The following NAV3 variants were observed in gnomAD, a reference collection of about 807,000 sequenced individuals.
NAV3 encodes the protein pore membrane and/or filament interacting like protein 1.
Under a neutral mutation model 244.7 loss-of-function variants are expected in NAV3, and 87 were observed. The ratio of observed to expected loss-of-function variants is 0.36; its 90% confidence interval spans 0.30 to 0.42. NAV3 has a LOEUF of 0.42. Ranked by LOEUF, NAV3 falls within the 20% of genes least tolerant of loss-of-function variation. The pLI, the probability that NAV3 is intolerant of heterozygous loss-of-function variation, is 1.00. For synonymous variants in NAV3, 1,126 were observed against 1,042.2 expected (o/e 1.08, Z -1.55); for missense variants, 2,663 against 2,893.3 (o/e 0.92, Z 1.83).
At chr12:77,895,218 G>C (rs1168101360) in intron 1 of NAV3, among the ~76,000 whole-genome samples, 1 of 151,984 alleles carries the variant, frequency 6.6e-6, no homozygotes, top group Non-Finnish European at 1.5e-5. Flanking sequence ...AATATGAATA[G>C]AGTAATCAAC....
At chr12:77,910,688 CAAAG>C (rs1479618110) in intron 1 of NAV3, among the ~76,000 whole-genome samples, 2 of 152,024 alleles carry the variant, frequency 1.3e-5, no homozygotes, top group Non-Finnish European at 2.9e-5. Flanking sequence ...AGATTGGTGA[CAAAG>C]AAAGCCCAGG....
chr12:78,095,064 T>TATAC (rs1272776469), intron 12 of NAV3, among the ~76,000 whole-genome samples: 13,945 of 137,102 alleles, frequency 0.1, 805 homozygotes, highest in Middle Eastern at 0.16. Flanking sequence ...TATATATATA[T>TATAC]ACACACACAC....
intron 2 of NAV3, among the ~76,000 whole-genome samples, chr12:77,759,356 G>A (rs1168628198): frequency 6.6e-6 from 1 of 152,154 alleles, no homozygotes; most frequent in Non-Finnish European, 1.5e-5. Flanking sequence ...GTATTACAAA[G>A]CTTGCCTAAA....
chr12:77,999,120 A>G (rs914475245), intron 7 of NAV3, among the ~76,000 whole-genome samples: 5 of 152,250 alleles, frequency 3.3e-5, no homozygotes, highest in African/African-American at 9.6e-5. Context: ...CGAAGTGGGC[A>G]TTTAAAGAGG....
chr12:77,761,972 G>A (rs1869489485), intron 2 of NAV3, among the ~76,000 whole-genome samples: 1 of 113,606 alleles, frequency 8.8e-6, no homozygotes, highest in Admixed American at 8.4e-5. Context: ...AGAGACACAT[G>A]CACACATATG....
intron 1 of NAV3, among the ~76,000 whole-genome samples, chr12:77,898,181 T>C (rs1884849312): frequency 6.6e-6 from 1 of 152,216 alleles, no homozygotes; most frequent in African/African-American, 2.4e-5. Context: ...TTTTTTATAT[T>C]ATATCATGAT....
At chr12:77,785,675 C>T (rs1870872620) in intron 2 of NAV3, among the ~76,000 whole-genome samples, 1 of 152,072 alleles carries the variant, frequency 6.6e-6, no homozygotes, top group Non-Finnish European at 1.5e-5. Flanking sequence ...AGTAGAAGCA[C>T]AAAGTCTCAT....
intron 1 of NAV3, among the ~76,000 whole-genome samples, chr12:77,845,138 T>C (rs963064206): frequency 6.6e-6 from 1 of 152,190 alleles, no homozygotes; most frequent in Non-Finnish European, 1.5e-5. Flanking sequence ...TGTGTGTATA[T>C]ATATATATGA....
intron 14 of NAV3, 110 bp downstream of exon 14, chr12:78,118,407 A>T: frequency 7.3e-7 from 1 of 1,367,500 alleles, no homozygotes; most frequent in Non-Finnish European, 9.8e-7. Flanking sequence ...ATTCTTATCC[A>T]TATTAAACAT....
At chr12:77,629,086 G>C (rs1299996809) in intron 2 of NAV3, among the ~76,000 whole-genome samples, 1 of 152,070 alleles carries the variant, frequency 6.6e-6, no homozygotes. Context: ...GTCTAGAACA[G>C]TTTTTCAAAT....
At chr12:77,584,961 T>G (rs1403951611) in intron 2 of NAV3, among the ~76,000 whole-genome samples, 1 of 152,182 alleles carries the variant, frequency 6.6e-6, no homozygotes, top group African/African-American at 2.4e-5. Context: ...AATTCTTGAG[T>G]GGCATTGAAG....
rs563966909 is a variant in NAV3 at position 77,713,373 on chromosome 12, T to A, written c.72+141107T>A. On this transcript the variant is annotated intron_variant, in intron 2 of 8. Transcript: ENST00000550042. ...ACAACTGTACCTACATATTGCCTTA[T>A]TAATAGAGTTTTCAAATTTGGTTTT... Among the ~76,000 whole-genome samples the A allele has an allele frequency of 4.6e-5, 7 of 152,336 alleles. No individual in the cohort carries two copies. The East Asian group carries it at 1.3e-3, about 29-fold the overall frequency.
intron 2 of NAV3, among the ~76,000 whole-genome samples, chr12:77,755,672 C>T (rs1215093470): frequency 2.1e-5 from 3 of 143,028 alleles, no homozygotes; most frequent in African/African-American, 7.8e-5. Flanking sequence ...CTCTCTCTTT[C>T]TTTCTCTCTT....
At chr12:78,012,090 G>T (rs1875389792) in intron 8 of NAV3, among the ~76,000 whole-genome samples, 1 of 152,228 alleles carries the variant, frequency 6.6e-6, no homozygotes, top group Admixed American at 6.5e-5. Context: ...GGGACACAGA[G>T]CCAAACCATA....
intron 28 of NAV3, 109 bp downstream of exon 28, chr12:78,177,794 C>G: frequency 2.2e-6 from 2 of 916,630 alleles, no homozygotes; most frequent in Non-Finnish European, 1.6e-6. Flanking sequence ...ACAATAAATA[C>G]CTTCTCTTTC....
intron 2 of NAV3, among the ~76,000 whole-genome samples, chr12:77,683,690 A>AAG (rs749361667): frequency 1.3e-5 from 2 of 152,192 alleles, no homozygotes; most frequent in East Asian, 1.9e-4. Flanking sequence ...AAAATGGGTT[A>AAG]CACAGTAGGT....
At chr12:78,077,598 G>A (rs1261077570) in intron 12 of NAV3, among the ~76,000 whole-genome samples, 1 of 152,128 alleles carries the variant, frequency 6.6e-6, no homozygotes. Context: ...GTATTAGTTT[G>A]CTAAGACTTT....
rs550344587 is a variant in NAV3, at chr12:77,831,338, TA to T, written c.-119del. 4 of 1,050,782 alleles carry T rather than the reference TA, an allele frequency of 3.8e-6. No individual in the cohort carries two copies. Among genetic ancestry groups the T allele is most frequent in the Non-Finnish European group, 5.2e-6 (4 of 762,566 alleles). 65.1% of individuals were successfully genotyped at this position (1,050,782 alleles called of 1,614,324 possible). On this transcript the variant is annotated 5_prime_UTR_variant, in exon 1 of 40. Transcript: ENST00000397909. ...CCTGAAAATTATATTATTAGCTTTT[TA>T]AAAATCAGGATGACTGCTAGTTTTG...
chr12:78,197,167 G>A (rs953253270), intron 34 of NAV3, 80 bp from the exon 35 acceptor site: 17 of 1,075,384 alleles, frequency 1.6e-5, no homozygotes, highest in Middle Eastern at 4.7e-4. Flanking sequence ...AGGACAAAGA[G>A]TGCTATTCCT....
Sources: allele counts gnomAD v4.1 joint callset (sites outside exome capture counted in the v4.1 genomes callset), GRCh38; gene constraint gnomAD v4.1.1; transcripts MANE v1.5; gene names NCBI Gene and HGNC (gene_info 2026-07-23, HGNC 2026-07-21).